COL21A1: variants seen among roughly 807,000 people sequenced by gnomAD.
COL21A1 encodes the protein collagen alpha-1(XXI) chain.
A neutral mutation model predicts 137.9 loss-of-function variants in COL21A1; 149 were observed. The ratio of observed to expected loss-of-function variants is 1.08; its 90% CI spans 0.95 to 1.24. COL21A1 has a LOEUF of 1.24. Among genes scored for constraint, COL21A1 ranks in the 50% most tolerant of loss-of-function variants. COL21A1 has a pLI of 0.00. For missense variants in COL21A1, 1,167 were observed against 1,158.4 expected (o/e 1.01, Z -0.11); for synonymous variants, 456 against 391.5 (o/e 1.16, Z -1.95).
chr6:56,086,250 A>G (rs1330874994), intron 17 of COL21A1, among the ~76,000 whole-genome samples: 2 of 152,048 alleles, frequency 1.3e-5, no homozygotes, highest in Non-Finnish European at 2.9e-5. Flanking sequence ...AGGAGTTTTA[A>G]CCCACCACAC....
At chr6:56,138,847 G>A (rs917659360) in intron 12 of COL21A1, among the ~76,000 whole-genome samples, 3 of 152,092 alleles carry the variant, frequency 2.0e-5, no homozygotes, top group African/African-American at 7.2e-5. Context: ...TAGAGGAAGT[G>A]GGGAGGTTTG....
At chr6:56,237,305 G>C (rs1165968787) in intron 1 of COL21A1, among the ~76,000 whole-genome samples, 4 of 152,034 alleles carry the variant, frequency 2.6e-5, no homozygotes, top group Non-Finnish European at 5.9e-5. Flanking sequence ...AAACAGGTTT[G>C]CCCTGTCTAA....
At chr6:56,275,722 G>T (rs933457615) in intron 1 of COL21A1, among the ~76,000 whole-genome samples, 1 of 152,046 alleles carries the variant, frequency 6.6e-6, no homozygotes, top group Non-Finnish European at 1.5e-5. Flanking sequence ...GTCAAAAAAT[G>T]ACAGATTCTG....
chr6:56,257,570 A>G (rs1041532629), intron 1 of COL21A1, among the ~76,000 whole-genome samples: 3 of 152,176 alleles, frequency 2.0e-5, no homozygotes, highest in Non-Finnish European at 4.4e-5. Flanking sequence ...TGGTTAAATC[A>G]GGGGTTAGCA....
rs565508007 is a variant in COL21A1, at chr6:56,382,863, C to G, written c.-39+11108G>C. Among the ~76,000 whole-genome samples, 5 of 152,242 alleles carry G rather than the reference C, an allele frequency of 3.3e-5. No individual in the cohort carries two copies. The East Asian group carries it at 9.6e-4, about 29-fold the overall frequency. ...TATGGCAGCCCAAACCAAGGCACTG[C>G]CTCTCCTTAGACCAGAGGCTCTGGT... On this transcript the variant is annotated intron_variant, in intron 1 of 28. Transcript: ENST00000370819.
Position 56,372,603 on chromosome 6 carries a change from A to G in COL21A1, c.-39+21368T>C, listed in dbSNP as rs182971621. On this transcript the variant is annotated intron_variant, in intron 1 of 28. Coordinates refer to the COL21A1 transcript ENST00000370819. ...ACAGACGCTCAACTCATAAGGGAGT[A>G]TGTAACTAAAGCCAAAAAGGGAATT... Among the ~76,000 whole-genome samples, 283 of 152,358 alleles carry G rather than the reference A, an allele frequency of 1.9e-3. 3 individuals carry two copies. The highest frequency in any genetic ancestry group is 6.2e-4 in the South Asian group (3 of 4,826).
chr6:56,336,387 T>C (rs2152344378), intron 1 of COL21A1, among the ~76,000 whole-genome samples: 1 of 152,382 alleles, frequency 6.6e-6, no homozygotes, highest in South Asian at 2.1e-4. Flanking sequence ...TCCTGTTTTA[T>C]TTTTAATCTA....
At chr6:56,074,148 G>A (rs1235374439) in intron 20 of COL21A1, 84 bp downstream of exon 20, 1 of 858,390 alleles carries the variant, frequency 1.2e-6, no homozygotes, top group Non-Finnish European at 1.8e-6. Context: ...TACAATCAAG[G>A]TAGTAGTAAA....
intron 1 of COL21A1, among the ~76,000 whole-genome samples, chr6:56,307,345 C>G (rs976223172): frequency 8.5e-5 from 13 of 152,198 alleles, no homozygotes; most frequent in Non-Finnish European, 1.5e-4. Flanking sequence ...GGAAGGCAGG[C>G]CTCCTTAAGC....
chr6:56,164,991 C>T (rs1265500933), intron 7 of COL21A1, among the ~76,000 whole-genome samples, 169 bp from the exon 8 acceptor site: 5 of 151,848 alleles, frequency 3.3e-5, no homozygotes, highest in Non-Finnish European at 7.4e-5. Flanking sequence ...CCTATCTATA[C>T]ATGTTACTAC....
chr6:56,373,383 C>T (rs2093993615), intron 1 of COL21A1, among the ~76,000 whole-genome samples: 1 of 152,218 alleles, frequency 6.6e-6, no homozygotes, highest in South Asian at 2.1e-4. Flanking sequence ...GGGTGGATCA[C>T]TTGAGGTCAG....
chr6:56,276,833 G>C (rs1452289819), intron 1 of COL21A1: 20 of 740,774 alleles, frequency 2.7e-5, no homozygotes, highest in Non-Finnish European at 4.5e-5. Flanking sequence ...TTTTGAGACA[G>C]AGTCTCGCTC....
At chr6:56,098,648 A>AATATATAT (rs1412667364) in intron 17 of COL21A1, among the ~76,000 whole-genome samples, 1 of 11,382 alleles carries the variant, frequency 8.8e-5, no homozygotes, top group African/African-American at 4.9e-4. Flanking sequence ...AATATATATA[A>AATATATAT]ATATATAAAT....
chr6:56,365,337 C>G (rs1766071755), intron 1 of COL21A1, among the ~76,000 whole-genome samples: 1 of 152,156 alleles, frequency 6.6e-6, no homozygotes, highest in South Asian at 2.1e-4. Context: ...CTTCTACTCC[C>G]CTAATGGCTA....
intron 1 of COL21A1, among the ~76,000 whole-genome samples, chr6:56,330,189 A>T (rs985385260): frequency 2.0e-5 from 3 of 152,074 alleles, no homozygotes; most frequent in African/African-American, 7.2e-5. Context: ...TTATTTAAAT[A>T]TTAAATTTTT....
intron 1 of COL21A1, among the ~76,000 whole-genome samples, chr6:56,258,309 T>C (rs1341424858): frequency 6.6e-6 from 1 of 152,166 alleles, no homozygotes; most frequent in East Asian, 1.9e-4. Context: ...AGTCAGAGTC[T>C]GCCCTGTGCT....
chr6:56,202,563 C>A (rs1779482786), intron 1 of COL21A1, among the ~76,000 whole-genome samples: 1 of 152,180 alleles, frequency 6.6e-6, no homozygotes, highest in African/African-American at 2.4e-5. Context: ...TTTGACCCCA[C>A]TGATAATGCC....
chr6:56,349,230 T>C (rs1316560917), intron 1 of COL21A1, among the ~76,000 whole-genome samples: 1 of 152,054 alleles, frequency 6.6e-6, no homozygotes, highest in Non-Finnish European at 1.5e-5. Context: ...GACAACTTAA[T>C]ACTGAACAAC....
At chr6:56,307,418 A>G (rs1365475486) in intron 1 of COL21A1, among the ~76,000 whole-genome samples, 1 of 152,168 alleles carries the variant, frequency 6.6e-6, no homozygotes, top group Non-Finnish European at 1.5e-5. Flanking sequence ...AAGCCTCAGC[A>G]ATGGTGGGCA....
Sources: allele counts gnomAD v4.1 joint callset (sites outside exome capture counted in the v4.1 genomes callset), GRCh38; gene constraint gnomAD v4.1.1; transcripts MANE v1.5; gene names NCBI Gene and HGNC (gene_info 2026-07-23, HGNC 2026-07-21).